Variants in MEI4 observed in about 807,000 individuals in gnomAD.
MEI4 encodes meiotic double-stranded break formation protein 4.
Under a neutral mutation model 31.4 loss-of-function variants are expected in MEI4, and 27 were observed. That is an observed-to-expected ratio of 0.86 (90% CI 0.63 to 1.19). The LOEUF (loss-of-function observed/expected upper bound fraction) is 1.19. Among genes scored for constraint, MEI4 ranks in the 50% most tolerant of loss-of-function variants. The pLI is 0.00. For missense variants in MEI4, 329 were observed against 398.9 expected (o/e 0.82, Z 1.49); for synonymous variants, 122 against 145.4 (o/e 0.84, Z 1.16).
chr6:77,897,231 A>G (rs1766099905), intron 4 of MEI4, among the ~76,000 whole-genome samples: 1 of 152,038 alleles, frequency 6.6e-6, no homozygotes, highest in South Asian at 2.1e-4. Context: ...CTTACAAAGT[A>G]ATATTCTAGT....
intron 3 of MEI4, among the ~76,000 whole-genome samples, chr6:77,788,015 T>C (rs1343316500): frequency 6.6e-6 from 1 of 152,174 alleles, no homozygotes; most frequent in East Asian, 1.9e-4. Flanking sequence ...GCTGGCCTCA[T>C]AAAATGAGTT....
intron 4 of MEI4, among the ~76,000 whole-genome samples, chr6:77,890,280 G>A (rs761370930): frequency 6.6e-6 from 1 of 152,236 alleles, no homozygotes; most frequent in Non-Finnish European, 1.5e-5. Context: ...GGGCAGAGCT[G>A]CCCAAGGCCA....
At chr6:77,790,788 T>C (rs1768902329) in intron 3 of MEI4, among the ~76,000 whole-genome samples, 1 of 152,110 alleles carries the variant, frequency 6.6e-6, no homozygotes, top group African/African-American at 2.4e-5. Context: ...TAATAGAACA[T>C]GGCGTTTTGA....
intron 3 of MEI4, among the ~76,000 whole-genome samples, chr6:77,792,659 G>A (rs1249449091): frequency 6.6e-6 from 1 of 151,380 alleles, no homozygotes; most frequent in Non-Finnish European, 1.5e-5. Flanking sequence ...TGTATATGAT[G>A]TGAGATAAGG....
intron 4 of MEI4, among the ~76,000 whole-genome samples, chr6:77,875,215 C>A (rs529586879): frequency 1.5e-4 from 23 of 152,294 alleles, no homozygotes; most frequent in Non-Finnish European, 2.9e-4. Flanking sequence ...CTTCATTTTA[C>A]TCACCACTCT....
chr6:77,749,463 G>A (rs1011895230), intron 2 of MEI4, among the ~76,000 whole-genome samples: 9 of 152,076 alleles, frequency 5.9e-5, no homozygotes, highest in African/African-American at 9.7e-5. Flanking sequence ...TGAGAACTTC[G>A]TGAAGCCTAC....
chr6:77,719,091 C>T (rs1488050899), intron 2 of MEI4, among the ~76,000 whole-genome samples: 6 of 137,758 alleles, frequency 4.4e-5, no homozygotes, highest in African/African-American at 1.4e-4. Context: ...CTATCAACAG[C>T]TGGACTCACT....
chr6:77,864,016 A>G (rs1289192570), intron 4 of MEI4, among the ~76,000 whole-genome samples: 2 of 152,216 alleles, frequency 1.3e-5, no homozygotes, highest in East Asian at 1.9e-4. Context: ...AATCCTTTAC[A>G]GACAAGCAAA....
chr6:77,678,301 G>A (rs1768882616), intron 1 of MEI4, among the ~76,000 whole-genome samples: 1 of 152,206 alleles, frequency 6.6e-6, no homozygotes, highest in Admixed American at 6.5e-5. Flanking sequence ...GCCTGGCTGT[G>A]ATGTCAGCTT....
intron 4 of MEI4, among the ~76,000 whole-genome samples, chr6:77,913,268 C>A (rs1766470285): frequency 6.6e-6 from 1 of 152,010 alleles, no homozygotes; most frequent in Non-Finnish European, 1.5e-5. Context: ...TACTTCTTTG[C>A]TGAATTTGGT....
chr6:77,799,780 G>GTTAGT (rs1769194808), intron 3 of MEI4, among the ~76,000 whole-genome samples: 1 of 152,006 alleles, frequency 6.6e-6, no homozygotes, highest in African/African-American at 2.4e-5. Context: ...TTTTTCTCAG[G>GTTAGT]TTTGTCAAAG....
chr6:77,923,447 T>C lies in MEI4; in HGVS notation c.*101T>C, dbSNP rs1766759194. 3.3e-6 allele frequency: 3 copies of C among 914,028 alleles called. No individual in the cohort carries two copies. Among genetic ancestry groups the C allele is most frequent in the Non-Finnish European group, 4.3e-6 (3 of 700,192 alleles). 56.6% of individuals were successfully genotyped at this position (914,028 alleles called of 1,614,324 possible). A position where few individuals can be genotyped will look rare whatever the true frequency, so the allele number is the denominator to read the frequency against. On this transcript the variant is annotated 3_prime_UTR_variant, in exon 5 of 5. Transcript: ENST00000684080. ...TTCAATAGTATTTTAATTAGCATTTTAGAATTGATCTCTAAATATAATTAT... is the reference window on the plus strand; with the variant it reads ...TTCAATAGTATTTTAATTAGCATTTCAGAATTGATCTCTAAATATAATTAT...
intron 2 of MEI4, among the ~76,000 whole-genome samples, chr6:77,735,021 C>G (rs1165682887): frequency 6.6e-6 from 1 of 152,038 alleles, no homozygotes; most frequent in African/African-American, 2.4e-5. Context: ...GTCTGATGGG[C>G]TTCCCCTTGT....
chr6:77,744,894 A>G (rs1767540391), intron 2 of MEI4, among the ~76,000 whole-genome samples: 2 of 152,218 alleles, frequency 1.3e-5, no homozygotes, highest in South Asian at 4.1e-4. Context: ...AGGAGAAATA[A>G]AATGCTTTAC....
chr6:77,766,410 ATATT>A (rs780309491), intron 3 of MEI4, among the ~76,000 whole-genome samples: 2 of 152,040 alleles, frequency 1.3e-5, no homozygotes, highest in African/African-American at 2.4e-5. Context: ...ATGAAATCAG[ATATT>A]TATTTATTTA....
At chr6:77,756,361 T>C (rs919459675) in intron 2 of MEI4, among the ~76,000 whole-genome samples, 1 of 152,160 alleles carries the variant, frequency 6.6e-6, no homozygotes, top group East Asian at 1.9e-4. Flanking sequence ...CTGCCCACTA[T>C]TATTTACCTT....
chr6:77,690,513 C>T (rs1193504116), intron 1 of MEI4, 145 bp from the exon 2 acceptor site: 9 of 399,428 alleles, frequency 2.3e-5, no homozygotes, highest in Admixed American at 1.3e-4. Context: ...GTTTTCAGTC[C>T]CTGATTTTTT....
intron 2 of MEI4, among the ~76,000 whole-genome samples, chr6:77,736,645 AT>A (rs1325319708): frequency 6.6e-6 from 1 of 152,074 alleles, no homozygotes; most frequent in African/African-American, 2.4e-5. Context: ...CTATTCGGCC[AT>A]TTTGGCTCCT....
chr6:77,758,519 C>G (rs1256927126), intron 2 of MEI4, among the ~76,000 whole-genome samples: 11 of 152,162 alleles, frequency 7.2e-5, no homozygotes, highest in Admixed American at 7.2e-4. Flanking sequence ...TTTTTGTGCA[C>G]TGTTCAACCA....
Sources: allele counts gnomAD v4.1 joint callset (sites outside exome capture counted in the v4.1 genomes callset), GRCh38; gene constraint gnomAD v4.1.1; transcripts MANE v1.5; gene names NCBI Gene and HGNC (gene_info 2026-07-23, HGNC 2026-07-21).